Variants in MEG3 observed in about 807,000 individuals in gnomAD.
MEG3 encodes maternally expressed 3.
exon 3 of MEG3, chr14:100,829,117 A>G (rs1465991387): frequency 2.0e-5 from 3 of 152,250 alleles, no homozygotes; most frequent in Non-Finnish European, 2.9e-5. Context: ...ATGGCAAAGG[A>G]TGAAGAGGAC....
chr14:100,846,482 G>C (rs2037921056), intron 3 of MEG3: 1 of 152,274 alleles, frequency 6.6e-6, no homozygotes, highest in Non-Finnish European at 1.5e-5. Context: ...TGGGCTGTGT[G>C]TACCTTGGTT....
At chr14:100,840,217 G>A (rs1355363409) in intron 2 of MEG3, among the ~76,000 whole-genome samples, 2 of 152,190 alleles carry the variant, frequency 1.3e-5, no homozygotes, top group African/African-American at 4.8e-5. Flanking sequence ...AAATCCAGAT[G>A]GAGAGTTCTT....
At chr14:100,852,028 G>A (rs1299442893) in intron 3 of MEG3, 1 of 246,488 alleles carries the variant, frequency 4.1e-6, no homozygotes, top group Non-Finnish European at 8.2e-6. Flanking sequence ...AGCGCCCGGA[G>A]CAGTAGGAGC....
At chr14:100,834,593 CCT>C (rs577293235) in exon 1 of MEG3, 6 of 428,914 alleles carry the variant, frequency 1.4e-5, no homozygotes, top group Admixed American at 2.5e-5. Context: ...TCCTCGTCTT[CCT>C]CTCTCTCAAT....
At chr14:100,848,581 A>G (rs2037983316) in intron 3 of MEG3, 1 of 148,158 alleles carries the variant, frequency 6.7e-6, no homozygotes, top group African/African-American at 2.5e-5. Context: ...GGTGGAAAGA[A>G]ACAATAGGAT....
intron 3 of MEG3, chr14:100,846,678 C>CA (rs2037926536): frequency 6.6e-6 from 1 of 152,016 alleles, no homozygotes; most frequent in Non-Finnish European, 1.5e-5. Flanking sequence ...GTAAGCAAGC[C>CA]AGGATGAGAG....
At chr14:100,834,956 C>A in exon 1 of MEG3, 1 of 397,440 alleles carries the variant, frequency 2.5e-6, no homozygotes, top group Non-Finnish European at 5.1e-6. Flanking sequence ...ACAGTTGATC[C>A]TAACTGAGCA....
At chr14:100,839,849 G>T (rs1295007770) in intron 2 of MEG3, among the ~76,000 whole-genome samples, 1 of 152,204 alleles carries the variant, frequency 6.6e-6, no homozygotes, top group African/African-American at 2.4e-5. Context: ...CGAGCTCTGC[G>T]GTGCCTGAGA....
intron 2 of MEG3, among the ~76,000 whole-genome samples, chr14:100,841,414 G>A (rs944966671): frequency 1.4e-4 from 22 of 152,224 alleles, no homozygotes; most frequent in Non-Finnish European, 2.8e-4. Flanking sequence ...AGTGGCTCGG[G>A]GTTTCTTCAG....
chr14:100,832,663 C>T (rs3742390), downstream of MEG3: 26,088 of 152,616 alleles, frequency 0.17, 2,483 homozygotes, highest in Non-Finnish European at 0.22. Context: ...ACCGCCGGGC[C>T]GGGGCGATGT....
chr14:100,856,165 G>A (rs910640019), upstream of MEG3: 1 of 152,162 alleles, frequency 6.6e-6, no homozygotes, highest in African/African-American at 2.4e-5. Flanking sequence ...TCCCGTGCAG[G>A]GGTCTGCATA....
At chr14:100,852,538 T>C, upstream of MEG3, 1 of 442,664 alleles carries the variant, frequency 2.3e-6, no homozygotes, top group Middle Eastern at 3.6e-4. Flanking sequence ...TGGACTGAGG[T>C]CTGGGGGTGC....
At chr14:100,858,415 TG>T in exon 1 of MEG3, 1 of 152,910 alleles carries the variant, frequency 6.5e-6, no homozygotes, top group East Asian at 1.9e-4. Flanking sequence ...CTCTTGCACG[TG>T]GGGGTGCAGT....
chr14:100,834,688 T>A (rs1395751829), exon 1 of MEG3: 1 of 456,606 alleles, frequency 2.2e-6, no homozygotes, highest in East Asian at 7.0e-5. Context: ...CCTCAGGGTG[T>A]CCCAGCACCA....
exon 2 of MEG3, chr14:100,860,785 G>A (rs368105221): frequency 4.9e-5 from 22 of 444,972 alleles, no homozygotes; most frequent in East Asian, 2.8e-4. Flanking sequence ...GTAGAGACCC[G>A]CCCTCTGACT....
At chr14:100,840,988 C>T (rs537736247) in intron 2 of MEG3, among the ~76,000 whole-genome samples, 4 of 152,264 alleles carry the variant, frequency 2.6e-5, no homozygotes, top group South Asian at 2.1e-4. Context: ...AGGAAGTTGG[C>T]GGTAGGGGGC....
At chr14:100,852,090 G>T (rs910354255) in intron 3 of MEG3, 20 of 320,180 alleles carry the variant, frequency 6.2e-5, no homozygotes, top group Non-Finnish European at 9.9e-5. Context: ...GGAGGCAGGG[G>T]AGTGGGGTGG....
chr14:100,846,314 G>T (rs566518553), intron 3 of MEG3: 1 of 152,228 alleles, frequency 6.6e-6, no homozygotes, highest in African/African-American at 2.4e-5. Context: ...CAGAACAGGC[G>T]GCGCTTGCCT....
exon 1 of MEG3, chr14:100,859,943 T>C (rs2038356181): frequency 6.6e-6 from 1 of 152,296 alleles, no homozygotes; most frequent in South Asian, 2.1e-4. Flanking sequence ...GAGTTTGTTG[T>C]TTGTAACCTG....
Sources: allele counts gnomAD v4.1 joint callset (sites outside exome capture counted in the v4.1 genomes callset), GRCh38; gene constraint gnomAD v4.1.1; transcripts MANE v1.5; gene names NCBI Gene and HGNC (gene_info 2026-07-23, HGNC 2026-07-21).